Variants in HPF1 observed in about 807,000 individuals in gnomAD.
HPF1 encodes the protein histone PARylation factor 1, also known as UPF0609 protein C4orf27.
A neutral mutation model predicts 38.8 loss-of-function variants in HPF1; 35 were observed. That is an observed-to-expected ratio of 0.90 (90% CI 0.69 to 1.19). The LOEUF (loss-of-function observed/expected upper bound fraction) is 1.19. Ranked by LOEUF, HPF1 falls within the 50% of genes most tolerant of loss-of-function variation. The probability of loss-of-function intolerance (pLI) is 0.00; values close to 1 mark genes in which losing one functional copy is unlikely to be tolerated. For missense variants in HPF1, 367 were observed against 405.8 expected (o/e 0.90, Z 0.82); for synonymous variants, 115 against 139.2 (o/e 0.83, Z 1.22).
intron 5 of HPF1, among the ~76,000 whole-genome samples, chr4:169,740,557 C>A (rs1167891551): frequency 6.6e-6 from 1 of 152,232 alleles, no homozygotes; most frequent in Admixed American, 6.5e-5. Context: ...AATATGAATT[C>A]AATGAAGATC....
At chr4:169,752,170 T>A (rs994584894) in intron 2 of HPF1, among the ~76,000 whole-genome samples, 6 of 139,184 alleles carry the variant, frequency 4.3e-5, no homozygotes, top group Non-Finnish European at 7.8e-5. Context: ...AGGCATGACT[T>A]TTTTTTTTTT....
chr4:169,753,842 A>G lies in HPF1; in HGVS notation c.49-7T>C. ...CATCAGTTGTTTTTTCACACTGAAA[A>G]TTGGCACACAAACTTTAGTTCTCCA... On this transcript the variant is annotated splice_polypyrimidine_tract_variant and splice_region_variant and intron_variant, in intron 1 of 7. Transcript: ENST00000393381. The G allele has an allele frequency of 6.2e-7, 1 of 1,602,134 alleles. No individual in the cohort carries two copies. Among genetic ancestry groups the G allele is most frequent in the South Asian group, 1.1e-5 (1 of 88,420 alleles).
chr4:169,742,090 T>A lies in HPF1; in HGVS notation c.515A>T (p.Lys172Ile), dbSNP rs755481902. ...CTTTTTATCCGTTATTTCTCTAAGT[T>A]TTTTCGTCAAAAATAATCTGAAAAA... Reference protein sequence around the residue: ...FAAVKLFLTKKLREITDKKKI... With the variant: ...FAAVKLFLTKILREITDKKKI... The change falls in exon 5 of 8, where the codon AAA (lysine) becomes ATA (isoleucine). Residue 172 changes from lysine (K) to isoleucine (I), a missense_variant. Physicochemically the swap from Lys to Ile is moderately radical, Grantham distance 102. Transcript: ENST00000393381. The A allele has an allele frequency of 1.2e-6, 2 of 1,611,044 alleles. No homozygotes were observed. Among genetic ancestry groups the A allele is most frequent in the Non-Finnish European group, 1.7e-6 (2 of 1,178,456 alleles).
chr4:169,734,025 G>T (rs1200336294), intron 6 of HPF1, among the ~76,000 whole-genome samples: 1 of 152,124 alleles, frequency 6.6e-6, no homozygotes, highest in Non-Finnish European at 1.5e-5. Context: ...TGTTACCCCA[G>T]TCACAAAATG....
rs61997073 is a variant in HPF1, at chr4:169,757,848, G to C, written c.30C>G (p.Pro10=). Residue 10 remains proline, a synonymous_variant, in exon 1 of 8, where the codon CCC becomes CCG. Coordinates refer to ENST00000393381, the MANE Select transcript of HPF1 (RefSeq NM_017867.3). MVGGGGKRR[P]GGEGPQCEKT... is the part of the protein sequence containing the mutation. The stretch of plus-strand genomic sequence containing the variant: ...GCAGTACCTGCGGCCCCTCTCCGCC[G>C]GGCCTGCGCTTCCCGCCACCGCCGA... 2.6e-3 allele frequency: 4,131 copies of C among 1,565,062 alleles called. 57 individuals carry two copies. In the African/African-American group the frequency reaches 0.035, roughly 13 times the overall value.
chr4:169,744,526 T>C (rs1337182693), intron 4 of HPF1, among the ~76,000 whole-genome samples: 1 of 152,216 alleles, frequency 6.6e-6, no homozygotes, highest in Non-Finnish European at 1.5e-5. Context: ...TCAACGCAAA[T>C]GAATTTGTAC....
chr4:169,733,553 G>A (rs577136796), intron 6 of HPF1, among the ~76,000 whole-genome samples: 40 of 152,262 alleles, frequency 2.6e-4, no homozygotes, highest in Middle Eastern at 3.4e-3. Context: ...TATGTATGAG[G>A]CACAACGTTC....
intron 4 of HPF1, among the ~76,000 whole-genome samples, chr4:169,746,103 G>A (rs1245553465): frequency 7.2e-5 from 11 of 152,124 alleles, no homozygotes; most frequent in Non-Finnish European, 1.6e-4. Context: ...TAGACAGTAT[G>A]AAATGGAATC....
At chr4:169,733,540 T>G (rs1302461194) in intron 6 of HPF1, among the ~76,000 whole-genome samples, 1 of 152,176 alleles carries the variant, frequency 6.6e-6, no homozygotes, top group Admixed American at 6.5e-5. Context: ...TGATGTTAAA[T>G]TCTATGTATG....
chr4:169,737,301 A>C lies in HPF1; in HGVS notation c.736+359T>G, dbSNP rs1469168877. Among the ~76,000 whole-genome samples, 74 of 144,088 alleles carry C rather than the reference A, an allele frequency of 5.1e-4. 1 individual carries two copies. Among genetic ancestry groups the C allele is most frequent in the African/African-American group, 1.9e-3 (70 of 36,190 alleles). The allele number at this position is 144,088 out of a possible 152,430, so 94.5% of individuals were successfully genotyped here. A position where few individuals can be genotyped will look rare whatever the true frequency, so the allele number is the denominator to read the frequency against. On this transcript the variant is annotated intron_variant, in intron 6 of 7. Coordinates refer to ENST00000393381, the MANE Select transcript of HPF1 (RefSeq NM_017867.3). ...CAACACTCCGTCTCAAAAAAAAAAA[A>C]AAAAAACAAACAAAAAAAGAAACTA... is the stretch of plus-strand genomic sequence containing the variant.
chr4:169,753,610 C>T lies in HPF1; in HGVS notation c.208+66G>A, dbSNP rs958642893. 37 of 1,385,556 alleles carry T rather than the reference C, an allele frequency of 2.7e-5. No homozygotes were observed. The South Asian group carries it at 3.6e-4, about 14-fold the overall frequency. 85.8% of individuals were successfully genotyped at this position (1,385,556 alleles called of 1,614,324 possible). ...TGGGATTACAGAGTGTGAGCCACCACACCCAGCTGGTTTCCTATTACATTA... is the reference window on the plus strand; with the variant it reads ...TGGGATTACAGAGTGTGAGCCACCATACCCAGCTGGTTTCCTATTACATTA... On this transcript the variant is annotated intron_variant, in intron 2 of 7. Transcript: ENST00000393381.
intron 2 of HPF1, among the ~76,000 whole-genome samples, chr4:169,751,078 G>C (rs1309767113): frequency 2.0e-5 from 3 of 152,132 alleles, no homozygotes; most frequent in African/African-American, 7.2e-5. Context: ...CAGGTTAAGG[G>C]AGAGAAAGAT....
At chr4:169,740,362 A>C (rs1260181791) in intron 5 of HPF1, among the ~76,000 whole-genome samples, 1 of 152,234 alleles carries the variant, frequency 6.6e-6, no homozygotes, top group African/African-American at 2.4e-5. Flanking sequence ...TAGGGAGTCA[A>C]ATGATATAAC....
chr4:169,740,128 C>T (rs1016370983), intron 5 of HPF1, among the ~76,000 whole-genome samples: 6 of 152,162 alleles, frequency 3.9e-5, no homozygotes, highest in African/African-American at 1.4e-4. Flanking sequence ...TCATTTTATG[C>T]ATCATTTAAC....
intron 4 of HPF1, among the ~76,000 whole-genome samples, 192 bp from the exon 5 acceptor site, chr4:169,742,299 G>T (rs534413115): frequency 1.3e-5 from 2 of 152,208 alleles, no homozygotes; most frequent in Non-Finnish European, 2.9e-5. Flanking sequence ...ATAAAAAACT[G>T]CCAGTCAGAG....
At chr4:169,753,535 G>T in intron 2 of HPF1, 141 bp downstream of exon 2, 1 of 682,590 alleles carries the variant, frequency 1.5e-6, no homozygotes, top group South Asian at 1.8e-5. Flanking sequence ...TCACTATGTT[G>T]ACCAGGTTGG....
chr4:169,747,020 C>T (rs1284374831), intron 4 of HPF1, among the ~76,000 whole-genome samples: 2 of 135,386 alleles, frequency 1.5e-5, no homozygotes, highest in African/African-American at 5.3e-5. Context: ...TGACTAATAA[C>T]ACAAATGAAA....
intron 2 of HPF1, among the ~76,000 whole-genome samples, chr4:169,751,849 AAC>A (rs1490326853): frequency 6.6e-6 from 1 of 152,222 alleles, no homozygotes; most frequent in East Asian, 1.9e-4. Flanking sequence ...AGCCGAAGAT[AAC>A]AGTTAATAGT....
chr4:169,737,800 A>G (rs1176870529), intron 5 of HPF1, 53 bp from the exon 6 acceptor site: 4 of 1,092,332 alleles, frequency 3.7e-6, no homozygotes, highest in Non-Finnish European at 5.5e-6. Context: ...CATCAAAAAA[A>G]AAAATCCCCA....
Sources: gnomAD v4.1 joint callset for allele counts (sites outside exome capture counted in the v4.1 genomes callset) on GRCh38, gnomAD v4.1.1 for gene constraint, MANE v1.5 for transcripts, NCBI Gene and HGNC (gene_info 2026-07-23, HGNC 2026-07-21) for gene names.